Variants in NRG3 observed in about 807,000 individuals in gnomAD.
NRG3 encodes pro-neuregulin-3, membrane-bound isoform.
NRG3 carries 31 observed loss-of-function variants against 66.9 expected under a neutral mutation model. The observed-to-expected ratio is 0.46, with a 90% CI of 0.35 to 0.63. The LOEUF is 0.63. NRG3 is among the 20% of genes least tolerant of loss of function. NRG3 has a pLI of 0.00. For missense variants in NRG3, 910 were observed against 878.9 expected, an observed-to-expected ratio of 1.04 and a Z score of -0.45; for synonymous variants, 393 against 359.4, an observed-to-expected ratio of 1.09 and a Z score of -1.06.
chr10:82,426,558 T>A (rs2089453524), intron 2 of NRG3, among the ~76,000 whole-genome samples: 1 of 147,600 alleles, frequency 6.8e-6, no homozygotes, highest in Non-Finnish European at 1.5e-5. Context: ...GCTTTCAAGC[T>A]TTTTACCTTT....
intron 2 of NRG3, among the ~76,000 whole-genome samples, chr10:82,721,023 A>T (rs7476983): frequency 0.019 from 2,773 of 146,742 alleles, 97 homozygotes; most frequent in African/African-American, 0.066. Context: ...TATCTATTTA[A>T]TTTTTGCCAA....
At chr10:82,601,375 A>G (rs1251995811) in intron 2 of NRG3, among the ~76,000 whole-genome samples, 1 of 152,234 alleles carries the variant, frequency 6.6e-6, no homozygotes, top group Non-Finnish European at 1.5e-5. Flanking sequence ...TAGGTTTCCA[A>G]TTTGTGGCTA....
At chr10:82,935,489 C>T (rs1442846102) in intron 4 of NRG3, among the ~76,000 whole-genome samples, 2 of 152,106 alleles carry the variant, frequency 1.3e-5, no homozygotes, top group Non-Finnish European at 2.9e-5. Context: ...ATTCTGCAGC[C>T]ACTTAAAAGG....
chr10:82,110,481 C>T (rs570570588), intron 1 of NRG3, among the ~76,000 whole-genome samples: 2 of 151,936 alleles, frequency 1.3e-5, no homozygotes, highest in Non-Finnish European at 2.9e-5. Flanking sequence ...AGTGTGTTGT[C>T]GACAGAGCAG....
intron 2 of NRG3, among the ~76,000 whole-genome samples, chr10:82,699,304 A>G (rs940424237): frequency 4.0e-5 from 6 of 150,548 alleles, no homozygotes; most frequent in Non-Finnish European, 5.9e-5. Context: ...AGGGAGGGAG[A>G]CAGGGAGGGA....
intron 1 of NRG3, among the ~76,000 whole-genome samples, chr10:81,948,173 T>G (rs1849017143): frequency 6.6e-6 from 1 of 152,198 alleles, no homozygotes; most frequent in Admixed American, 6.6e-5. Context: ...AGTTGTTGTT[T>G]ATGTTGTTTG....
intron 2 of NRG3, among the ~76,000 whole-genome samples, chr10:82,449,336 G>T (rs558475920): frequency 6.6e-6 from 1 of 152,214 alleles, no homozygotes; most frequent in African/African-American, 2.4e-5. Context: ...ATATCTGGAA[G>T]AGCCTGTGAG....
chr10:82,457,310 T>C (rs1185343378), intron 2 of NRG3, among the ~76,000 whole-genome samples: 1 of 152,162 alleles, frequency 6.6e-6, no homozygotes, highest in Non-Finnish European at 1.5e-5. Context: ...AGGATGAAAC[T>C]GTTCCACCTC....
At chr10:82,274,408 A>T (rs894128459) in intron 1 of NRG3, among the ~76,000 whole-genome samples, 15 of 149,218 alleles carry the variant, frequency 1.0e-4, no homozygotes, top group Admixed American at 4.0e-4. Context: ...TAGTTGTCAG[A>T]TCTAGAATGA....
chr10:82,965,104 A>C (rs1851081664), intron 6 of NRG3, among the ~76,000 whole-genome samples: 1 of 152,204 alleles, frequency 6.6e-6, no homozygotes, highest in East Asian at 1.9e-4. Context: ...CCTATGAAGG[A>C]GTTAACAACA....
chr10:82,301,876 C>T (rs1408889289), intron 1 of NRG3, among the ~76,000 whole-genome samples: 1 of 151,760 alleles, frequency 6.6e-6, no homozygotes, highest in Non-Finnish European at 1.5e-5. Flanking sequence ...TATTGATCAT[C>T]ACATCACTTT....
At chr10:82,873,391 G>A (rs1340116703) in intron 4 of NRG3, among the ~76,000 whole-genome samples, 1 of 152,084 alleles carries the variant, frequency 6.6e-6, no homozygotes, top group Non-Finnish European at 1.5e-5. Context: ...ACAGTCAGAT[G>A]TTTGAAATTT....
At chr10:82,408,135 G>GAAAGAA (rs1564888563) in intron 2 of NRG3, among the ~76,000 whole-genome samples, 4 of 143,206 alleles carry the variant, frequency 2.8e-5, no homozygotes, top group Admixed American at 7.0e-5. Flanking sequence ...AAGAAAGAAA[G>GAAAGAA]AAAGAAAGAA....
intron 1 of NRG3, among the ~76,000 whole-genome samples, chr10:82,095,386 T>C (rs1004669293): frequency 6.6e-6 from 1 of 151,948 alleles, no homozygotes; most frequent in Non-Finnish European, 1.5e-5. Context: ...TAATCACTAA[T>C]AAAATAAATG....
intron 2 of NRG3, among the ~76,000 whole-genome samples, chr10:82,636,140 C>G (rs896027843): frequency 2.0e-5 from 3 of 152,022 alleles, no homozygotes; most frequent in African/African-American, 7.2e-5. Flanking sequence ...AGAAAGAAAA[C>G]TAGGATGAAC....
At chr10:81,955,038 G>A (rs574292061) in intron 1 of NRG3, among the ~76,000 whole-genome samples, 73 of 151,366 alleles carry the variant, frequency 4.8e-4, no homozygotes, top group African/African-American at 1.7e-3. Flanking sequence ...CAACATATAT[G>A]TATGTTCTGT....
intron 2 of NRG3, among the ~76,000 whole-genome samples, chr10:82,615,402 A>G (rs1443538655): frequency 6.6e-6 from 1 of 152,092 alleles, no homozygotes; most frequent in Admixed American, 6.5e-5. Context: ...TTCATTGTTA[A>G]TGGTATATTG....
At chr10:82,322,960 T>C (rs1031138402) in intron 1 of NRG3, among the ~76,000 whole-genome samples, 5 of 152,210 alleles carry the variant, frequency 3.3e-5, no homozygotes, top group African/African-American at 1.2e-4. Flanking sequence ...CCGTCTGGCG[T>C]ACTGTTATTC....
intron 2 of NRG3, among the ~76,000 whole-genome samples, chr10:82,709,469 CTTCCTGGG>C (rs957790255): frequency 7.2e-5 from 11 of 151,958 alleles, no homozygotes; most frequent in African/African-American, 2.7e-4. Context: ...GCAACCTCGG[CTTCCTGGG>C]TTCAAGCGAT....
Sources: allele counts gnomAD v4.1 joint callset (sites outside exome capture counted in the v4.1 genomes callset), GRCh38; gene constraint gnomAD v4.1.1; transcripts MANE v1.5; gene names NCBI Gene and HGNC (gene_info 2026-07-23, HGNC 2026-07-21).